The following PTPRF variants were observed in gnomAD, a reference collection of about 807,000 sequenced individuals.
The protein encoded by PTPRF is receptor-type tyrosine-protein phosphatase F.
Under a neutral mutation model 201.8 loss-of-function variants are expected in PTPRF, and 59 were observed. The observed-to-expected ratio is 0.29, with a 90% CI of 0.24 to 0.36. PTPRF has a LOEUF of 0.36. PTPRF is among the 10% of genes least tolerant of loss of function. The probability of loss-of-function intolerance (pLI) is 1.00; values close to 1 mark genes in which losing one functional copy is unlikely to be tolerated. For missense variants in PTPRF, 2,132 were observed against 2,690.5 expected (o/e 0.79, Z 4.59); for synonymous variants, 1,088 against 1,089.7 (o/e 1.00, Z 0.03).
At position 43,617,466 on chromosome 1, in the gene PTPRF, T is replaced by G; in HGVS notation, c.4093T>G (p.Phe1365Val). Reference sequence around the variant, plus strand: ...GCAGTCCATCGACCCTGGACAGCAGTTCACGTGGGAGAATTCAAACCTGGA... The same window carrying G: ...GCAGTCCATCGACCCTGGACAGCAGGTCACGTGGGAGAATTCAAACCTGGA... ...EYESIDPGQQ[F>V]TWENSNLEVN... The change falls in exon 24 of 34, where the codon TTC (phenylalanine) becomes GTC (valine). Residue 1365 changes from phenylalanine (F) to valine (V), a missense_variant. Transcript: ENST00000359947. 6.2e-7 allele frequency: 1 copy of G among 1,614,118 alleles called. No individual in the cohort carries two copies. The highest frequency in any genetic ancestry group is 8.5e-7 in the Non-Finnish European group (1 of 1,180,014).
At position 43,622,105 on chromosome 1, in the gene PTPRF, C is replaced by A; in HGVS notation, c.*102C>A. 2 of 1,257,500 alleles carry A rather than the reference C, an allele frequency of 1.6e-6. No individual in the cohort carries two copies. Among genetic ancestry groups the A allele is most frequent in the African/African-American group, 1.5e-5 (1 of 68,198 alleles). The allele number at this position is 1,257,500 out of a possible 1,614,324, so 77.9% of individuals were successfully genotyped here. On this transcript the variant is annotated 3_prime_UTR_variant, in exon 34 of 34. Coordinates refer to ENST00000359947, the MANE Select transcript of PTPRF (RefSeq NM_002840.5). ...ATCGTCCAGCCCTCCTACGCAGATGCTGTCACTGGCAGAGCACAGCCCACG... is the reference window on the plus strand; with the variant it reads ...ATCGTCCAGCCCTCCTACGCAGATGATGTCACTGGCAGAGCACAGCCCACG...
In PTPRF at chr1:43,569,622, G is replaced by A. The variant is rs777318046; in HGVS notation, c.412G>A (p.Asp138Asn). 3.0e-5 allele frequency: 48 copies of A among 1,611,080 alleles called. No homozygotes were observed. Among genetic ancestry groups the A allele is most frequent in the African/African-American group, 4.0e-5 (3 of 74,874 alleles). The change falls in exon 6 of 34, where the codon GAC becomes AAC. Residue 138 changes from aspartate (D) to asparagine (N), a missense_variant. Physicochemically the swap from Asp to Asn is conservative, Grantham distance 23. Coordinates refer to ENST00000359947, the MANE Select transcript of PTPRF (RefSeq NM_002840.5). The part of the protein sequence containing the change: ...EQLPPGFPSI[D>N]MGPQLKVVEK... ...GCTGCCCCCTGGGTTCCCTTCCATC[G>A]ACATGGGGCCTCAGCTGAAGGTGGT...
chr1:43,528,355 A>T (rs189125717), upstream of PTPRF, among the ~76,000 whole-genome samples: 15 of 149,084 alleles, frequency 1.0e-4, no homozygotes, highest in East Asian at 3.0e-3. Flanking sequence ...TAATTTTTGT[A>T]TTTTTTTTTT....
At chr1:43,585,967 C>T (rs1389898028) in intron 7 of PTPRF, among the ~76,000 whole-genome samples, 2 of 152,224 alleles carry the variant, frequency 1.3e-5, no homozygotes, top group Admixed American at 1.3e-4. Context: ...GCGTCCTCTC[C>T]TGCCAGCCTC....
Position 43,603,539 on chromosome 1 carries a change from T to C in PTPRF, c.2458+6T>C. 1 of 1,612,750 alleles carries C rather than the reference T, an allele frequency of 6.2e-7. No individual in the cohort carries two copies. The highest frequency in any genetic ancestry group is 8.5e-7 in the Non-Finnish European group (1 of 1,179,482). On this transcript the variant is annotated splice_donor_region_variant and intron_variant, in intron 15 of 33. Transcript: ENST00000359947. This position sits in a 1 kb window ranked among gnomAD's most constrained non-coding sequence, Gnocchi z 5.8. ...TGTCACTACAACAGGTGCAGGTGAG[T>C]GAGGGGTCAGGACGGACCTGAGGGT... is the stretch of plus-strand genomic sequence containing the variant.
At chr1:43,561,984 G>A (rs1645838085) in intron 5 of PTPRF, among the ~76,000 whole-genome samples, 1 of 152,188 alleles carries the variant, frequency 6.6e-6, no homozygotes, top group African/African-American at 2.4e-5. Flanking sequence ...TGACCACGGT[G>A]GAGCCAATGG....
intron 5 of PTPRF, among the ~76,000 whole-genome samples, chr1:43,560,672 G>C (rs1023669918): frequency 6.6e-6 from 1 of 152,176 alleles, no homozygotes; most frequent in Non-Finnish European, 1.5e-5. Context: ...CAGGAAGTTC[G>C]ACAGAGTTGG....
intron 5 of PTPRF, among the ~76,000 whole-genome samples, chr1:43,562,606 C>G (rs1026864670): frequency 6.6e-6 from 1 of 151,446 alleles, no homozygotes; most frequent in African/African-American, 2.4e-5. Context: ...TGGGGTTTCA[C>G]GAAACATGTT....
At chr1:43,573,576 T>G (rs1646717836) in intron 6 of PTPRF, among the ~76,000 whole-genome samples, 1 of 152,186 alleles carries the variant, frequency 6.6e-6, no homozygotes, top group Non-Finnish European at 1.5e-5. Context: ...CCCACCCCAC[T>G]CTGCTCTGCC....
chr1:43,602,568 C>G (rs1319315554), intron 14 of PTPRF, among the ~76,000 whole-genome samples: 1 of 151,358 alleles, frequency 6.6e-6, no homozygotes, highest in Non-Finnish European at 1.5e-5. Flanking sequence ...GGGCCCCACT[C>G]AAGGCCAGAG....
chr1:43,536,515 C>T (rs139654117), intron 1 of PTPRF, among the ~76,000 whole-genome samples: 94 of 152,302 alleles, frequency 6.2e-4, no homozygotes, highest in African/African-American at 1.6e-3. Context: ...GTGGCAGCAG[C>T]GCCTGGCCAG....
Position 43,619,040 on chromosome 1 carries a change from TC to T in PTPRF, c.4492-3del, listed in dbSNP as rs1658543892. The T allele has an allele frequency of 1.2e-6, 2 of 1,610,860 alleles. No homozygotes were observed. The highest frequency in any genetic ancestry group is 1.7e-6 in the Non-Finnish European group (2 of 1,177,464). The stretch of plus-strand genomic sequence containing the variant: ...TAGTCGCCAGTATGTCCCCACTTTG[TC>T]CCCCAGAGTGGCTCCAGTGAGAAGC... On this transcript the variant is annotated splice_region_variant and splice_polypyrimidine_tract_variant and intron_variant, in intron 26 of 33. Coordinates refer to ENST00000359947, the MANE Select transcript of PTPRF (RefSeq NM_002840.5).
rs770277923 is a variant in PTPRF, at chr1:43,620,515, A to C, written c.5300A>C (p.Asp1767Ala). The C allele has an allele frequency of 1.2e-6, 2 of 1,613,672 alleles. No individual in the cohort carries two copies. Among genetic ancestry groups the C allele is most frequent in the Non-Finnish European group, 1.7e-6 (2 of 1,179,676 alleles). Reference sequence around the variant, plus strand: ...GCTCGCTACCAGTACTTTGTTGTTGACCCGATGGCTGAGTACAACATGCCC... The same window carrying C: ...GCTCGCTACCAGTACTTTGTTGTTGCCCCGATGGCTGAGTACAACATGCCC... ...RSARYQYFVV[D>A]PMAEYNMPQY... Residue 1767 changes from aspartate to alanine, a missense_variant, in exon 31 of 34, where the codon GAC (aspartate) becomes GCC (alanine). Around this residue, in one of 6 missense-constraint regions of PTPRF, gnomAD observed 519 missense variants for 659.5 expected, o/e 0.79. Transcript: ENST00000359947.
chr1:43,554,853 C>CTTTTT lies in PTPRF; in HGVS notation c.379+915_379+916insTTTTT, dbSNP rs1280917056. ...TTGCTTTTTTTTCTTTTCTTTCTTT[C>CTTTTT]TTTCTTTTTTTTTTTTTGAGATGCA... On this transcript the variant is annotated intron_variant, in intron 5 of 33. Coordinates refer to ENST00000359947, the MANE Select transcript of PTPRF (RefSeq NM_002840.5). This position sits in a 1 kb window ranked among gnomAD's most constrained non-coding sequence, Gnocchi z 4.1. 7.0e-6 allele frequency among the ~76,000 whole-genome samples: 1 copy of CTTTTT among 143,158 alleles called. No individual in the cohort carries two copies. The highest frequency in any genetic ancestry group is 1.5e-5 in the Non-Finnish European group (1 of 66,816). The allele number at this position is 143,158 out of a possible 152,430, so 93.9% of individuals were successfully genotyped here.
chr1:43,591,997 G>T (rs7540068), intron 10 of PTPRF, 49 bp downstream of exon 10: 501,106 of 1,606,044 alleles, frequency 0.31, 81,257 homozygotes, highest in East Asian at 0.43. Flanking sequence ...GTCCCTGAGG[G>T]TCTGTGATGG....
Position 43,606,328 on chromosome 1 carries a change from T to A in PTPRF, c.3572T>A (p.Leu1191Gln), listed in dbSNP as rs1655101924. The A allele has an allele frequency of 1.2e-6, 2 of 1,614,162 alleles. No individual in the cohort carries two copies. Among genetic ancestry groups the A allele is most frequent in the Non-Finnish European group, 1.7e-6 (2 of 1,180,022 alleles). Reference sequence around the variant, plus strand: ...CTGAAGCCATATGTGGCTGCTCAACTGGATGTGCTCCCGGAGACCTTTACC... The same window carrying A: ...CTGAAGCCATATGTGGCTGCTCAACAGGATGTGCTCCCGGAGACCTTTACC... ...ERLKPYVAAQ[L>Q]DVLPETFTLG... Residue 1191 changes from leucine to glutamine, a missense_variant, in exon 20 of 34, where the codon CTG becomes CAG. This residue lies in a region of PTPRF where 818 missense variants were observed against 915.3 expected (regional missense o/e 0.89). Transcript: ENST00000359947.
chr1:43,557,605 G>T (rs1569867808), intron 5 of PTPRF, among the ~76,000 whole-genome samples: 2 of 149,468 alleles, frequency 1.3e-5, no homozygotes, highest in Middle Eastern at 6.8e-3. Flanking sequence ...CTGCACTCCA[G>T]CCTGGGCGAC....
At chr1:43,573,530 GCTGGCTGGCCCCAGCT>G (rs1570153943) in intron 6 of PTPRF, among the ~76,000 whole-genome samples, 1 of 152,336 alleles carries the variant, frequency 6.6e-6, no homozygotes, top group East Asian at 1.9e-4. Context: ...CCCTCACCCT[GCTGGCTGGCCCCAGCT>G]CTGGCTGGAA....
intron 5 of PTPRF, among the ~76,000 whole-genome samples, chr1:43,566,786 A>G (rs773823396): frequency 3.3e-5 from 5 of 152,146 alleles, no homozygotes; most frequent in Non-Finnish European, 5.9e-5. Flanking sequence ...AGTGCTGCCT[A>G]GAAGCCTAGT....
Sources: gnomAD v4.1 joint callset for allele counts (sites outside exome capture counted in the v4.1 genomes callset) on GRCh38, gnomAD v4.1.1 for gene constraint, gnomAD v4.1.1 regional missense constraint, Gnocchi (gnomAD v3.1) non-coding constraint, MANE v1.5 for transcripts, NCBI Gene and HGNC (gene_info 2026-07-23, HGNC 2026-07-21) for gene names.